CEP295: variants seen among roughly 807,000 people sequenced by gnomAD.
CEP295 encodes the protein centrosomal protein of 295 kDa.
CEP295 carries 190 observed loss-of-function variants against 291.6 expected under a neutral mutation model. That is an observed-to-expected ratio of 0.65 (90% CI 0.58 to 0.73). The LOEUF is 0.73. Among genes scored for constraint, CEP295 ranks in the 30% least tolerant of loss-of-function variants. The pLI is 0.00. For missense variants in CEP295, 2,863 were observed against 2,949.4 expected (o/e 0.97, Z 0.68); for synonymous variants, 993 against 1,038.8 (o/e 0.96, Z 0.85).
At chr11:93,721,632 TA>T in intron 19 of CEP295, 1 of 742,216 alleles carries the variant, frequency 1.3e-6, no homozygotes, top group South Asian at 1.4e-5. Flanking sequence ...AGCAAAACTA[TA>T]AAACAATGTA....
intron 5 of CEP295, among the ~76,000 whole-genome samples, chr11:93,673,458 A>C (rs929867553): frequency 2.0e-5 from 3 of 151,756 alleles, no homozygotes; most frequent in Admixed American, 6.6e-5. Flanking sequence ...GTAATTCTCA[A>C]CTTTGGCTGT....
rs200717974 is a variant in CEP295 at position 93,702,572 on chromosome 11, A to T, written c.5387A>T (p.His1796Leu). 5.2e-6 allele frequency: 8 copies of T among 1,551,310 alleles called. No individual in the cohort carries two copies. Among genetic ancestry groups the T allele is most frequent in the Non-Finnish European group, 7.0e-6 (8 of 1,146,872 alleles). ...GGAAATGATCAAGAAAATATTAGGCATGCAGATAGGAACAACTCTGATGAT... is the reference window on the plus strand; with the variant it reads ...GGAAATGATCAAGAAAATATTAGGCTTGCAGATAGGAACAACTCTGATGAT... ...LAGNDQENIR[H>L]ADRNNSDDNH... is the part of the protein sequence containing the mutation. The change falls in exon 16 of 30, where the codon CAT becomes CTT. Residue 1796 changes from histidine (H) to leucine (L), a missense_variant. Physicochemically the swap from His to Leu is moderately conservative, Grantham distance 99 (BLOSUM62 -3). Around this residue, in one of 3 missense-constraint regions of CEP295, gnomAD observed 2,295 missense variants for 2,335.7 expected, o/e 0.98. Transcript: ENST00000325212.
intron 24 of CEP295, 78 bp downstream of exon 24, chr11:93,727,715 T>G: frequency 8.5e-7 from 1 of 1,175,070 alleles, no homozygotes; most frequent in South Asian, 1.7e-5. Flanking sequence ...AAATTAGAGA[T>G]GAAGTTCCCA....
intron 9 of CEP295, among the ~76,000 whole-genome samples, chr11:93,684,559 C>G (rs1951132187): frequency 6.6e-6 from 1 of 152,178 alleles, no homozygotes; most frequent in East Asian, 1.9e-4. Context: ...GAGCCCCTGT[C>G]CCATCCCGTG....
intron 18 of CEP295, among the ~76,000 whole-genome samples, chr11:93,720,973 T>G (rs1337307902): frequency 6.6e-6 from 1 of 152,210 alleles, no homozygotes; most frequent in Non-Finnish European, 1.5e-5. Context: ...TGATTTAATA[T>G]TCTTGCTTTT....
intron 18 of CEP295, among the ~76,000 whole-genome samples, chr11:93,718,637 T>C (rs1953447434): frequency 6.6e-6 from 1 of 152,232 alleles, no homozygotes; most frequent in South Asian, 2.1e-4. Flanking sequence ...CAGATAACAG[T>C]AAATAATTGT....
intron 6 of CEP295, among the ~76,000 whole-genome samples, chr11:93,677,521 C>T (rs7940153): frequency 0.92 from 139,856 of 152,214 alleles, 65,066 homozygotes; most frequent in East Asian, 0.99. Flanking sequence ...TGTTTTGCTA[C>T]ATTCGCTACC....
At chr11:93,686,912 C>T (rs1951272293) in intron 9 of CEP295, among the ~76,000 whole-genome samples, 1 of 152,258 alleles carries the variant, frequency 6.6e-6, no homozygotes, top group African/African-American at 2.4e-5. Context: ...CTACAATCTG[C>T]CTATTTTCAA....
In CEP295 at chr11:93,697,079, T is replaced by G. The variant is rs762803779; in HGVS notation, c.2167T>G (p.Tyr723Asp). 1.5e-5 allele frequency: 24 copies of G among 1,551,526 alleles called. No individual in the cohort carries two copies. The highest frequency in any genetic ancestry group is 2.0e-5 in the Non-Finnish European group (23 of 1,146,998). The change falls in exon 15 of 30, where the codon TAT (tyrosine) becomes GAT (aspartate). Residue 723 changes from tyrosine (Y) to aspartate (D), a missense_variant. Around this residue, in one of 3 missense-constraint regions of CEP295, gnomAD observed 2,295 missense variants for 2,335.7 expected, o/e 0.98. Coordinates refer to ENST00000325212, the MANE Select transcript of CEP295 (RefSeq NM_033395.2). ...FSQTETQQRD[Y>D]KLVPKDSETL... ...TCAGACTGAAACACAACAGAGAGAC[T>G]ATAAATTGGTCCCCAAAGATTCTGA...
intron 29 of CEP295, 25 bp downstream of exon 29, chr11:93,730,173 CT>C (rs1938248547): frequency 6.4e-7 from 1 of 1,550,742 alleles, no homozygotes; most frequent in African/African-American, 1.4e-5. Flanking sequence ...GGGAGAAGGA[CT>C]TAATTTTTCA....
rs1033727562 is a variant in CEP295, at chr11:93,725,838, A to G, written c.6499+7A>G. On this transcript the variant is annotated splice_region_variant and intron_variant, in intron 23 of 29. Transcript: ENST00000325212. ...ACAGAAAATATTATTGGGGGTATGT[A>G]TGACTAAGTTAGAAAAAGTTAATTT... is the stretch of plus-strand genomic sequence containing the variant. 4 of 1,547,596 alleles carry G rather than the reference A, an allele frequency of 2.6e-6. No individual in the cohort carries two copies. The African/African-American group carries it at 5.5e-5, about 21-fold the overall frequency.
At chr11:93,701,627 C>T (rs932107677) in intron 15 of CEP295, among the ~76,000 whole-genome samples, 19 of 152,096 alleles carry the variant, frequency 1.2e-4, no homozygotes, top group African/African-American at 3.9e-4. Flanking sequence ...GTTTTTGAGA[C>T]GGAGTCTTGC....
intron 3 of CEP295, 71 bp downstream of exon 3, chr11:93,667,878 A>G: frequency 9.7e-7 from 1 of 1,029,650 alleles, no homozygotes; most frequent in South Asian, 1.9e-5. Flanking sequence ...TAGTTGTTGA[A>G]TGCTTTTCTG....
At chr11:93,717,419 C>T (rs1357793000) in intron 18 of CEP295, among the ~76,000 whole-genome samples, 1 of 152,160 alleles carries the variant, frequency 6.6e-6, no homozygotes, top group East Asian at 1.9e-4. Flanking sequence ...AACCACGAGG[C>T]ATCTCAGTAA....
chr11:93,666,536 G>A, intron 1 of CEP295, 146 bp from the exon 2 acceptor site: 1 of 463,548 alleles, frequency 2.2e-6, no homozygotes, highest in South Asian at 3.7e-5. Context: ...AGAGGTTACA[G>A]TAAGCTGAGA....
chr11:93,726,096 TA>T (rs1483248577), intron 23 of CEP295, among the ~76,000 whole-genome samples: 8 of 151,996 alleles, frequency 5.3e-5, no homozygotes, highest in African/African-American at 1.2e-4. Context: ...GTTTAAGTAT[TA>T]TTTTTTTGTT....
In CEP295 at chr11:93,699,249, C is replaced by T. The variant is rs1405720606; in HGVS notation, c.4337C>T (p.Ser1446Leu). The T allele has an allele frequency of 2.6e-6, 4 of 1,551,700 alleles. No homozygotes were observed. Among genetic ancestry groups the T allele is most frequent in the Non-Finnish European group, 3.5e-6 (4 of 1,146,988 alleles). The change falls in exon 15 of 30, where the codon TCA becomes TTA. Residue 1446 changes from serine (S) to leucine (L), a missense_variant. By Grantham distance (145) the Ser-to-Leu change is moderately radical (BLOSUM62 -2). This residue lies in a region of CEP295 where 2,295 missense variants were observed against 2,335.7 expected (regional missense o/e 0.98). Transcript: ENST00000325212. ...TTGCCTGATGGGCTGTTGGGTTTATCACATCTTGTTTTACCTCAACAAGAT... is the reference window on the plus strand; with the variant it reads ...TTGCCTGATGGGCTGTTGGGTTTATTACATCTTGTTTTACCTCAACAAGAT... Reference protein sequence around the residue: ...PTLPDGLLGLSHLVLPQQDNL... With the variant: ...PTLPDGLLGLLHLVLPQQDNL...
chr11:93,697,748 C>T lies in CEP295; in HGVS notation c.2836C>T (p.Gln946Ter), dbSNP rs1339434994. The T allele has an allele frequency of 6.4e-7, 1 of 1,551,548 alleles. No homozygotes were observed. Among genetic ancestry groups the T allele is most frequent in the East Asian group, 2.4e-5 (1 of 40,928 alleles). Residue 946 changes from glutamine to a stop codon, truncating the protein, a stop_gained, in exon 15 of 30, where the codon CAG becomes TAG. Transcript: ENST00000325212. LOFTEE classifies it high-confidence loss of function. ...RLSLSQPILS[Q>*]QNNFKFLQEQ... ...GAGTCTTTCACAGCCTATCCTATCA[C>T]AGCAAAATAATTTTAAATTTCTCCA...
intron 23 of CEP295, 34 bp downstream of exon 23, chr11:93,725,865 T>C (rs569384009): frequency 1.3e-6 from 2 of 1,527,432 alleles, no homozygotes; most frequent in East Asian, 4.9e-5. Context: ...AGTTAATTTT[T>C]CCATGATTTT....
Sources: allele counts gnomAD v4.1 joint callset (sites outside exome capture counted in the v4.1 genomes callset), GRCh38; gene constraint gnomAD v4.1.1; regional missense constraint gnomAD v4.1.1; transcripts MANE v1.5; gene names NCBI Gene and HGNC (gene_info 2026-07-23, HGNC 2026-07-21).